The following TBPL1 variants were observed in gnomAD, a reference collection of about 807,000 sequenced individuals.
The protein encoded by TBPL1 is TATA-box binding protein like 1.
In TBPL1, 4 loss-of-function variants were observed where a neutral mutation model predicts 22.1. The observed-to-expected ratio is 0.18, with a 90% CI of 0.09 to 0.41. The LOEUF is 0.41. Ranked by LOEUF, TBPL1 falls within the 10% of genes least tolerant of loss-of-function variation. TBPL1 has a pLI of 1.00. For missense variants in TBPL1, 115 were observed against 222.3 expected (o/e 0.52, Z 3.07); for synonymous variants, 64 against 71.0 (o/e 0.90, Z 0.50).
intron 6 of TBPL1, among the ~76,000 whole-genome samples, chr6:133,985,139 C>T (rs569568954): frequency 2.7e-4 from 41 of 150,734 alleles, no homozygotes; most frequent in Non-Finnish European, 4.3e-4. Context: ...ATTAGCTGGG[C>T]GTGGTGGTGA....
intron 1 of TBPL1, among the ~76,000 whole-genome samples, chr6:133,956,056 C>G (rs556545226): frequency 6.6e-6 from 1 of 152,104 alleles, no homozygotes; most frequent in Non-Finnish European, 1.5e-5. Context: ...ACTGTATAAT[C>G]TAGTTGAGTG....
At chr6:133,960,976 G>A (rs938528758) in intron 1 of TBPL1, among the ~76,000 whole-genome samples, 9 of 152,168 alleles carry the variant, frequency 5.9e-5, no homozygotes, top group African/African-American at 1.7e-4. Context: ...AAAGCTCCTG[G>A]AACACAGTTG....
chr6:133,958,854 TTTTG>T (rs1401412044), intron 1 of TBPL1, among the ~76,000 whole-genome samples: 1 of 152,154 alleles, frequency 6.6e-6, no homozygotes, highest in Admixed American at 6.5e-5. Flanking sequence ...GTTGTGCTGG[TTTTG>T]TTTATTTGTT....
intron 1 of TBPL1, among the ~76,000 whole-genome samples, chr6:133,958,950 G>A (rs548750625): frequency 1.3e-5 from 2 of 152,214 alleles, no homozygotes; most frequent in African/African-American, 4.8e-5. Flanking sequence ...TTGTTTTCCT[G>A]TTTAAGAGAG....
chr6:133,965,158 T>C (rs1003421381), intron 1 of TBPL1, among the ~76,000 whole-genome samples: 7 of 152,230 alleles, frequency 4.6e-5, no homozygotes, highest in Admixed American at 2.0e-4. Context: ...AATTATGCTG[T>C]TTTGTTAGCA....
At chr6:133,966,410 T>C (rs1361734280) in intron 1 of TBPL1, among the ~76,000 whole-genome samples, 4 of 152,212 alleles carry the variant, frequency 2.6e-5, no homozygotes, top group African/African-American at 9.6e-5. Flanking sequence ...TGGCTTAATA[T>C]TGAGGATCAG....
chr6:133,961,284 GAC>G (rs983208355), intron 1 of TBPL1, among the ~76,000 whole-genome samples: 1 of 152,118 alleles, frequency 6.6e-6, no homozygotes, highest in African/African-American at 2.4e-5. Flanking sequence ...AAGTTCTAAA[GAC>G]ACACATTTAA....
intron 6 of TBPL1, among the ~76,000 whole-genome samples, chr6:133,986,704 A>T (rs375654029): frequency 5.3e-5 from 8 of 152,284 alleles, no homozygotes; most frequent in African/African-American, 1.7e-4. Context: ...ATATTAGTCC[A>T]TGATAGTTTG....
At chr6:133,985,035 C>T (rs1299790549) in intron 6 of TBPL1, among the ~76,000 whole-genome samples, 5 of 151,660 alleles carry the variant, frequency 3.3e-5, no homozygotes, top group African/African-American at 1.2e-4. Flanking sequence ...AAGCCCAGCA[C>T]TTGGAAGGCT....
chr6:133,969,066 C>T (rs756892419), intron 1 of TBPL1: 2 of 152,086 alleles, frequency 1.3e-5, no homozygotes, highest in Non-Finnish European at 2.9e-5. Context: ...GACAGGTTTT[C>T]AATTATATCT....
rs148683473 is a variant in TBPL1, at chr6:133,957,941, G to T, written c.-45+4516G>T. Among the ~76,000 whole-genome samples the T allele has an allele frequency of 5.6e-3, 848 of 152,310 alleles. 12 individuals carry two copies. Among genetic ancestry groups the T allele is most frequent in the African/African-American group, 0.019 (804 of 41,568 alleles). ...CTTGGATGCTTTGTTTCTTTGGTTG[G>T]GAGGCTTTCTACTAGAGCATTGAAA... On this transcript the variant is annotated intron_variant, in intron 1 of 6. Transcript: ENST00000237264.
At chr6:133,952,912 T>C (rs771698895), upstream of TBPL1, among the ~76,000 whole-genome samples, 28 of 152,130 alleles carry the variant, frequency 1.8e-4, no homozygotes, top group Non-Finnish European at 3.1e-4. The surrounding 1 kb of genome is among the most constrained non-coding windows in gnomAD (Gnocchi z 4.5). Context: ...TACACGGTGT[T>C]TTCAGAACCC....
intron 1 of TBPL1, among the ~76,000 whole-genome samples, chr6:133,973,761 A>G (rs1254428534): frequency 6.6e-6 from 1 of 152,182 alleles, no homozygotes; most frequent in East Asian, 1.9e-4. Flanking sequence ...CCACTTCCTG[A>G]AGGGCTACAG....
chr6:133,957,609 G>T (rs537587774), intron 1 of TBPL1, among the ~76,000 whole-genome samples: 1 of 152,176 alleles, frequency 6.6e-6, no homozygotes, highest in African/African-American at 2.4e-5. Flanking sequence ...AATCAGTTAC[G>T]TTTTCTTGAG....
rs1776593336 is a variant in TBPL1, at chr6:133,989,684, C to T, written c.*2644C>T. On this transcript the variant is annotated 3_prime_UTR_variant, in exon 7 of 7. Transcript: ENST00000237264. ...CAGATCCAGGCCTTTTAGTCAGTCT[C>T]CTGAGTCTCTGATATAGTTTTACTA... 6.6e-6 allele frequency: 1 copy of T among 152,114 alleles called. No individual in the cohort carries two copies. The highest frequency in any genetic ancestry group is 2.4e-5 in the African/African-American group (1 of 41,412). 9.4% of individuals were successfully genotyped at this position (152,114 alleles called of 1,614,324 possible).
At chr6:133,955,263 TTGAG>T (rs1775907594) in intron 1 of TBPL1, among the ~76,000 whole-genome samples, 1 of 149,322 alleles carries the variant, frequency 6.7e-6, no homozygotes, top group Admixed American at 6.8e-5. Flanking sequence ...TCTTCATTGT[TTGAG>T]TGAGGGTCAA....
At chr6:133,958,237 A>G (rs1775960315) in intron 1 of TBPL1, among the ~76,000 whole-genome samples, 1 of 152,094 alleles carries the variant, frequency 6.6e-6, no homozygotes, top group Admixed American at 6.5e-5. Flanking sequence ...AAAGGAATAA[A>G]CCCCAATGGT....
intron 1 of TBPL1, among the ~76,000 whole-genome samples, chr6:133,960,345 A>C (rs1419582939): frequency 6.6e-6 from 1 of 151,922 alleles, no homozygotes; most frequent in African/African-American, 2.4e-5. Flanking sequence ...GTGGCTCAAC[A>C]GATTAAAAAG....
Position 133,990,092 on chromosome 6 carries a change from T to A in TBPL1, c.*3052T>A, listed in dbSNP as rs1776599992. On this transcript the variant is annotated 3_prime_UTR_variant, in exon 7 of 7. Transcript: ENST00000237264. ...CATCGTTGTGTGGGTGAAACCCACGTTGCTGGTACAGGTGGCCATCATAGA... is the reference window on the plus strand; with the variant it reads ...CATCGTTGTGTGGGTGAAACCCACGATGCTGGTACAGGTGGCCATCATAGA... 6.5e-6 allele frequency: 1 copy of A among 152,684 alleles called. No individual in the cohort carries two copies. The highest frequency in any genetic ancestry group is 1.5e-5 in the Non-Finnish European group (1 of 68,048). 9.5% of individuals were successfully genotyped at this position (152,684 alleles called of 1,614,324 possible).
Sources: allele counts gnomAD v4.1 joint callset (sites outside exome capture counted in the v4.1 genomes callset), GRCh38; gene constraint gnomAD v4.1.1; non-coding constraint Gnocchi (gnomAD v3.1); transcripts MANE v1.5; gene names NCBI Gene and HGNC (gene_info 2026-07-23, HGNC 2026-07-21).